The following GFOD2 variants were observed in gnomAD, a reference collection of about 807,000 sequenced individuals.
The protein encoded by GFOD2 is glucose-fructose oxidoreductase domain-containing protein 2.
A neutral mutation model predicts 24.6 loss-of-function variants in GFOD2; 9 were observed. That is an observed-to-expected ratio of 0.37 (90% CI 0.22 to 0.64). The LOEUF (loss-of-function observed/expected upper bound fraction) is 0.64, where lower values mean the gene tolerates loss of function less well. Among genes scored for constraint, GFOD2 ranks in the 30% least tolerant of loss-of-function variants. The pLI is 0.65. For missense variants in GFOD2, 476 were observed against 532.5 expected, an observed-to-expected ratio of 0.89 and a Z score of 1.04; for synonymous variants, 211 against 224.8, an observed-to-expected ratio of 0.94 and a Z score of 0.55.
At chr16:67,711,374 G>A (rs1389718970) in intron 1 of GFOD2, among the ~76,000 whole-genome samples, 1 of 152,032 alleles carries the variant, frequency 6.6e-6, no homozygotes, top group African/African-American at 2.4e-5. Flanking sequence ...AATTTCTTCT[G>A]ATTTTCCTCT....
At chr16:67,717,779 A>G (rs1370132897) in intron 1 of GFOD2, among the ~76,000 whole-genome samples, 1 of 136,496 alleles carries the variant, frequency 7.3e-6, no homozygotes, top group Non-Finnish European at 1.5e-5. Context: ...TGACAGAGTG[A>G]GACTCCGTCT....
At chr16:67,678,541 C>T (rs1201631914) in intron 2 of GFOD2, among the ~76,000 whole-genome samples, 3 of 151,854 alleles carry the variant, frequency 2.0e-5, no homozygotes, top group African/African-American at 7.3e-5. Flanking sequence ...GGATGGGCCC[C>T]AGGACAACTG....
At chr16:67,682,788 A>C in intron 2 of GFOD2, 1 of 985,400 alleles carries the variant, frequency 1.0e-6, no homozygotes, top group Non-Finnish European at 1.2e-6. Context: ...AGACTTGGTG[A>C]AATGTAACCA....
rs528615209 is a variant in GFOD2 at position 67,711,825 on chromosome 16, C to T, written c.-88+7338G>A. On this transcript the variant is annotated intron_variant, in intron 1 of 2. Transcript: ENST00000268797. ...ACATCTGATCCATTAACAAGTCTTG[C>T]TGGCTCTCTACCTTCAAAATATACC... is the stretch of plus-strand genomic sequence containing the variant. 2.4e-4 allele frequency among the ~76,000 whole-genome samples: 36 copies of T among 152,314 alleles called. No homozygotes were observed. The East Asian group carries it at 4.4e-3, about 19-fold the overall frequency.
At position 67,685,610 on chromosome 16, in the gene GFOD2, TC is replaced by T. The variant is rs766821598; in HGVS notation, c.105del (p.Lys36ArgfsTer13). 4 of 1,613,962 alleles carry T rather than the reference TC, an allele frequency of 2.5e-6. No homozygotes were observed. The highest frequency in any genetic ancestry group is 3.4e-6 in the Non-Finnish European group (4 of 1,179,986). ...AEGFTVEALW[G>X]KTEEEAKQLA... ...AGCTGCTTCGCCTCCTCCTCAGTCT[TC>T]CCCCACAGGGCCTCAACAGTGAACC... On this transcript the variant is annotated frameshift_variant, in exon 2 of 3. Coordinates refer to ENST00000268797, the MANE Select transcript of GFOD2 (RefSeq NM_030819.4). LOFTEE classifies it high-confidence loss of function.
At chr16:67,679,682 T>C (rs1597790568) in intron 2 of GFOD2, among the ~76,000 whole-genome samples, 1 of 151,156 alleles carries the variant, frequency 6.6e-6, no homozygotes, top group Non-Finnish European at 1.5e-5. Flanking sequence ...AGGTCAGGGG[T>C]TCGAGACCAC....
At chr16:67,711,363 A>G (rs2053472196) in intron 1 of GFOD2, among the ~76,000 whole-genome samples, 1 of 152,050 alleles carries the variant, frequency 6.6e-6, no homozygotes, top group Admixed American at 6.5e-5. Context: ...TCCACAACAC[A>G]AATTTCTTCT....
In GFOD2 at chr16:67,697,467, A is replaced by AG. The variant is rs1355243447; in HGVS notation, c.-87-11666dup. 2.0e-5 allele frequency among the ~76,000 whole-genome samples: 3 copies of AG among 152,304 alleles called. No individual in the cohort carries two copies. In the East Asian group the frequency reaches 5.8e-4, roughly 29 times the overall value. On this transcript the variant is annotated intron_variant, in intron 1 of 2. Transcript: ENST00000268797. ...TAATATGAAGTGAGTATAATAGGGC[A>AG]GCCAGTGTTTAGTCTGTCCCTTGTT...
chr16:67,709,163 C>A (rs1297616679), intron 1 of GFOD2, among the ~76,000 whole-genome samples: 1 of 152,080 alleles, frequency 6.6e-6, no homozygotes, highest in African/African-American at 2.4e-5. Context: ...ATTAGCTAGG[C>A]ATGGTGGCAC....
intron 1 of GFOD2, among the ~76,000 whole-genome samples, chr16:67,709,183 G>T (rs944192687): frequency 3.9e-5 from 6 of 151,910 alleles, no homozygotes; most frequent in East Asian, 1.9e-4. Context: ...CAAACCTGTA[G>T]TCCCAGCTAC....
At chr16:67,688,412 C>A (rs189205928) in intron 1 of GFOD2, among the ~76,000 whole-genome samples, 3 of 152,214 alleles carry the variant, frequency 2.0e-5, no homozygotes, top group Admixed American at 1.3e-4. Context: ...AGACATGATT[C>A]TGTCTTATTC....
intron 1 of GFOD2, among the ~76,000 whole-genome samples, chr16:67,703,380 G>A (rs2053417630): frequency 6.6e-6 from 1 of 151,972 alleles, no homozygotes; most frequent in South Asian, 2.1e-4. Context: ...TCTAGCCTGG[G>A]CAACAAGAGC....
At chr16:67,705,231 A>G (rs1332928322) in intron 1 of GFOD2, among the ~76,000 whole-genome samples, 2 of 152,108 alleles carry the variant, frequency 1.3e-5, no homozygotes, top group Admixed American at 6.5e-5. Flanking sequence ...TTTTTTAGAC[A>G]CAATCCCACT....
intron 2 of GFOD2, chr16:67,680,394 C>G (rs976472162): frequency 6.6e-6 from 1 of 152,190 alleles, no homozygotes; most frequent in South Asian, 2.1e-4. Context: ...CAGCAAGACT[C>G]TGTCTCAAAA....
chr16:67,683,872 CT>C (rs2053246277), intron 2 of GFOD2: 3 of 1,186,618 alleles, frequency 2.5e-6, no homozygotes, highest in Non-Finnish European at 3.1e-6. Context: ...CTCCTATTAC[CT>C]CACATAAAAC....
At chr16:67,682,601 A>G in intron 2 of GFOD2, 1 of 985,432 alleles carries the variant, frequency 1.0e-6, no homozygotes, top group Non-Finnish European at 1.2e-6. Flanking sequence ...GTCAGACCAA[A>G]GCAGAAAACA....
intron 1 of GFOD2, among the ~76,000 whole-genome samples, chr16:67,715,824 C>A (rs370415140): frequency 1.3e-5 from 2 of 151,206 alleles, no homozygotes; most frequent in East Asian, 3.9e-4. Flanking sequence ...TTATAGAGAC[C>A]CCCATCTCTA....
intron 2 of GFOD2, chr16:67,683,091 G>T: frequency 1.9e-6 from 1 of 533,172 alleles, no homozygotes; most frequent in Non-Finnish European, 2.4e-6. Context: ...CTCCCAAGTA[G>T]CTGGGACCAC....
intron 2 of GFOD2, 99 bp downstream of exon 2, chr16:67,685,358 C>T (rs145414699): frequency 1.1e-5 from 17 of 1,556,744 alleles, no homozygotes; most frequent in African/African-American, 4.0e-5. Context: ...CCTGCAGATG[C>T]GAGCCCAGGA....
Sources: gnomAD v4.1 joint callset for allele counts (sites outside exome capture counted in the v4.1 genomes callset) on GRCh38, gnomAD v4.1.1 for gene constraint, MANE v1.5 for transcripts, NCBI Gene and HGNC (gene_info 2026-07-23, HGNC 2026-07-21) for gene names.